ARMC8: variants seen among roughly 807,000 people sequenced by gnomAD.
The protein encoded by ARMC8 is armadillo repeat-containing protein 8.
ARMC8 carries 20 observed loss-of-function variants against 99.3 expected under a neutral mutation model. The observed-to-expected ratio is 0.20, with a 90% CI of 0.14 to 0.29. The LOEUF is 0.29. Among genes scored for constraint, ARMC8 ranks in the 10% least tolerant of loss-of-function variants. The pLI is 1.00. For missense variants in ARMC8, 569 were observed against 809.5 expected (o/e 0.70, Z 3.60); for synonymous variants, 263 against 278.3 (o/e 0.95, Z 0.55).
chr3:138,252,862 C>A (rs994964791), intron 12 of ARMC8, among the ~76,000 whole-genome samples: 1 of 151,026 alleles, frequency 6.6e-6, no homozygotes, highest in African/African-American at 2.4e-5. Flanking sequence ...AGGGCCCTGA[C>A]CAGAAGAGGG....
At chr3:138,291,569 G>C (rs1473078713) in intron 21 of ARMC8, among the ~76,000 whole-genome samples, 1 of 152,196 alleles carries the variant, frequency 6.6e-6, no homozygotes, top group Non-Finnish European at 1.5e-5. Flanking sequence ...GAAGATAGAT[G>C]ATAAGCAAAT....
At chr3:138,213,796 T>C (rs1281026950) in intron 2 of ARMC8, among the ~76,000 whole-genome samples, 1 of 152,220 alleles carries the variant, frequency 6.6e-6, no homozygotes, top group Non-Finnish European at 1.5e-5. Context: ...TAAACAGTTT[T>C]GTTTTGTTTT....
At position 138,267,163 on chromosome 3, in the gene ARMC8, A is replaced by G; in HGVS notation, c.1308A>G (p.Gln436=). 2 of 1,559,912 alleles carry G rather than the reference A, an allele frequency of 1.3e-6. No homozygotes were observed. The highest frequency in any genetic ancestry group is 1.2e-5 in the South Asian group (1 of 83,656). Residue 436 remains glutamine, a synonymous_variant, in exon 15 of 22, where the codon CAA becomes CAG. Transcript: ENST00000469044. Reference sequence around the variant, plus strand: ...CTTTTTTAATTCCATAGGTTTTACAAAATGCACCAGATGAAATCCTAGTGG... The same window carrying G: ...CTTTTTTAATTCCATAGGTTTTACAGAATGCACCAGATGAAATCCTAGTGG... ...AVWKPLMKVL[Q]NAPDEILVVA... is the part of the protein sequence containing the mutation.
At chr3:138,226,970 T>C (rs994822474) in intron 5 of ARMC8, among the ~76,000 whole-genome samples, 3 of 152,288 alleles carry the variant, frequency 2.0e-5, no homozygotes, top group East Asian at 1.9e-4. Flanking sequence ...AAGAGTTGAA[T>C]TGGGGAAGAA....
intron 5 of ARMC8, among the ~76,000 whole-genome samples, chr3:138,224,027 C>T (rs1030257153): frequency 2.7e-5 from 4 of 147,306 alleles, no homozygotes; most frequent in African/African-American, 7.6e-5. Context: ...GGCGCGATCT[C>T]GGCTCACTGC....
At chr3:138,194,739 A>C (rs1008890138) in intron 1 of ARMC8, among the ~76,000 whole-genome samples, 9 of 151,818 alleles carry the variant, frequency 5.9e-5, no homozygotes, top group Non-Finnish European at 1.3e-4. Flanking sequence ...AGTTATAAGC[A>C]TATTGTTGGC....
At chr3:138,223,584 G>A (rs1002143918) in intron 4 of ARMC8, 52 bp from the exon 5 acceptor site, 19 of 1,613,670 alleles carry the variant, frequency 1.2e-5, no homozygotes, top group Middle Eastern at 1.6e-4. Flanking sequence ...AGTTTGCAGT[G>A]CTTTAAATAC....
intron 6 of ARMC8, among the ~76,000 whole-genome samples, chr3:138,229,407 G>A (rs78339307): frequency 0.011 from 1,646 of 147,450 alleles, 34 homozygotes; most frequent in African/African-American, 0.038. Flanking sequence ...CTATTGTGGA[G>A]CATTTAGTTT....
intron 1 of ARMC8, among the ~76,000 whole-genome samples, chr3:138,208,099 T>G (rs116818709): frequency 0.055 from 8,331 of 150,998 alleles, 250 homozygotes; most frequent in Non-Finnish European, 0.066. Context: ...TTTTTTTTTT[T>G]TTGTTGTTGT....
chr3:138,198,652 G>A (rs1435456061), intron 1 of ARMC8, among the ~76,000 whole-genome samples: 2 of 151,834 alleles, frequency 1.3e-5, no homozygotes, highest in Non-Finnish European at 2.9e-5. Context: ...AGCTGGGACT[G>A]CAGGTGCGTG....
intron 18 of ARMC8, among the ~76,000 whole-genome samples, chr3:138,278,105 G>A (rs1386310672): frequency 6.6e-6 from 1 of 152,198 alleles, no homozygotes; most frequent in African/African-American, 2.4e-5. Flanking sequence ...TTAAAGGTTG[G>A]GGGCAGGATT....
At chr3:138,255,586 A>T (rs2047358853) in intron 12 of ARMC8, among the ~76,000 whole-genome samples, 3 of 152,104 alleles carry the variant, frequency 2.0e-5, no homozygotes, top group Admixed American at 2.0e-4. Flanking sequence ...GAGTGAGAGG[A>T]GGGAAGAAAT....
chr3:138,240,481 G>C (rs1399192966), intron 10 of ARMC8, among the ~76,000 whole-genome samples: 3 of 152,062 alleles, frequency 2.0e-5, no homozygotes. Context: ...TTTCTGCATT[G>C]GTAAAATGTT....
intron 12 of ARMC8, chr3:138,262,273 T>G: frequency 2.6e-6 from 1 of 381,250 alleles, no homozygotes; most frequent in Non-Finnish European, 4.7e-6. Context: ...GGACAGAGAG[T>G]GATTGTGCAT....
At chr3:138,245,212 T>C in intron 12 of ARMC8, 29 bp downstream of exon 12, 1 of 1,614,166 alleles carries the variant, frequency 6.2e-7, no homozygotes. Flanking sequence ...CGTCCCCCAG[T>C]CCTGACAGCC....
intron 19 of ARMC8, chr3:138,287,842 TATTTGAACATACTAGAA>T: frequency 3.3e-6 from 1 of 306,074 alleles, no homozygotes; most frequent in Non-Finnish European, 6.6e-6. Flanking sequence ...GTGCATAAAT[TATTTGAACATACTAGAA>T]ATTTTTTTTA....
At chr3:138,248,896 C>T (rs1350640732) in intron 12 of ARMC8, among the ~76,000 whole-genome samples, 1 of 152,126 alleles carries the variant, frequency 6.6e-6, no homozygotes, top group Non-Finnish European at 1.5e-5. Context: ...GTATTGTAAC[C>T]TTCATTCCCC....
Position 138,187,478 on chromosome 3 carries a change from G to C in ARMC8, c.-77G>C. 2 of 1,460,820 alleles carry C rather than the reference G, an allele frequency of 1.4e-6. No individual in the cohort carries two copies. Among genetic ancestry groups the C allele is most frequent in the Non-Finnish European group, 1.9e-6 (2 of 1,078,990 alleles). 90.5% of individuals were successfully genotyped at this position (1,460,820 alleles called of 1,614,324 possible). A position where few individuals can be genotyped will look rare whatever the true frequency, so the allele number is the denominator to read the frequency against. ...GGCTGCCTTTAGGGAGCGGTGCCTAGCGTTGGCCAATAGTTGGCTGTCGAA... is the reference window on the plus strand; with the variant it reads ...GGCTGCCTTTAGGGAGCGGTGCCTACCGTTGGCCAATAGTTGGCTGTCGAA... On this transcript the variant is annotated 5_prime_UTR_variant, in exon 1 of 22. Coordinates refer to ENST00000469044, the MANE Select transcript of ARMC8 (RefSeq NM_001363941.2).
intron 18 of ARMC8, among the ~76,000 whole-genome samples, chr3:138,280,800 G>A (rs1217323265): frequency 6.6e-6 from 1 of 151,584 alleles, no homozygotes; most frequent in Non-Finnish European, 1.5e-5. Flanking sequence ...CCAACTTTTT[G>A]TATTTTTAAT....
Sources: gnomAD v4.1 joint callset for allele counts (sites outside exome capture counted in the v4.1 genomes callset) on GRCh38, gnomAD v4.1.1 for gene constraint, MANE v1.5 for transcripts, NCBI Gene and HGNC (gene_info 2026-07-23, HGNC 2026-07-21) for gene names.